The following ADH4 variants were observed in gnomAD, a reference collection of about 807,000 sequenced individuals.
The protein encoded by ADH4 is alcohol dehydrogenase 4 (class II), pi polypeptide.
ADH4 carries 31 observed loss-of-function variants against 35.2 expected under a neutral mutation model. The observed-to-expected ratio is 0.88, with a 90% CI of 0.66 to 1.19. The LOEUF (loss-of-function observed/expected upper bound fraction) is 1.19, where lower values mean the gene tolerates loss of function less well. ADH4 is among the 50% of genes most tolerant of loss of function. The pLI is 0.00. For synonymous variants in ADH4, 171 were observed against 160.2 expected (o/e 1.07, Z -0.51); for missense variants, 476 against 458.3 (o/e 1.04, Z -0.35).
At chr4:99,134,602 A>C (rs1275377239) in intron 5 of ADH4, among the ~76,000 whole-genome samples, 2 of 152,038 alleles carry the variant, frequency 1.3e-5, no homozygotes, top group East Asian at 3.9e-4. Context: ...TACAGCAGAA[A>C]ATAGGCTTTG....
At chr4:99,136,060 A>G (rs1159631736) in intron 5 of ADH4, among the ~76,000 whole-genome samples, 2 of 152,158 alleles carry the variant, frequency 1.3e-5, no homozygotes, top group Non-Finnish European at 2.9e-5. Flanking sequence ...GGGAGAAGAC[A>G]GGGGTGGTTG....
intron 6 of ADH4, among the ~76,000 whole-genome samples, chr4:99,127,993 C>A (rs1299363577): frequency 1.3e-5 from 2 of 148,232 alleles, no homozygotes; most frequent in Non-Finnish European, 3.0e-5. Flanking sequence ...CCAAATCTAT[C>A]GTTGTGTGAC....
intron 5 of ADH4, among the ~76,000 whole-genome samples, chr4:99,135,747 G>C (rs946626270): frequency 6.6e-6 from 1 of 152,170 alleles, no homozygotes; most frequent in Non-Finnish European, 1.5e-5. Flanking sequence ...AAAATCTTCA[G>C]ACTTGTTGTT....
chr4:99,134,711 A>G (rs4148887), intron 5 of ADH4, among the ~76,000 whole-genome samples: 18,780 of 151,852 alleles, frequency 0.12, 2,425 homozygotes, highest in East Asian at 0.73. Context: ...TTTTTTATTA[A>G]TGAGTAATTG....
Position 99,124,531 on chromosome 4 carries a change from A to G in ADH4, c.1119-65T>C, listed in dbSNP as rs567531313. The G allele has an allele frequency of 3.1e-4, 337 of 1,091,708 alleles. 2 individuals are homozygous for G. The African/African-American group carries it at 5.2e-3, about 17-fold the overall frequency. The allele number at this position is 1,091,708 out of a possible 1,614,324, so 67.6% of individuals were successfully genotyped here. On this transcript the variant is annotated intron_variant, in intron 8 of 8. Coordinates refer to ENST00000265512, the MANE Select transcript of ADH4 (RefSeq NM_000670.5). The stretch of plus-strand genomic sequence containing the variant: ...TGATAAATTTAACCAAAGCTCACAA[A>G]TAAGTTTTGCCTTTTCATTTCAGGA...
At chr4:99,141,513 T>C in intron 3 of ADH4, 28 bp downstream of exon 3, 1 of 1,592,840 alleles carries the variant, frequency 6.3e-7, no homozygotes, top group Non-Finnish European at 8.6e-7. Context: ...TTGTGACATT[T>C]CCATTTTTTC....
chr4:99,135,420 CCCTGTCTCAAAA>C (rs1217884439), intron 5 of ADH4, among the ~76,000 whole-genome samples: 1 of 152,062 alleles, frequency 6.6e-6, no homozygotes, highest in Non-Finnish European at 1.5e-5. Context: ...CAGAGTGAGA[CCCTGTCTCAAAA>C]AAGAAAAAAA....
At chr4:99,140,094 G>T (rs17817958) in intron 3 of ADH4, among the ~76,000 whole-genome samples, 31,947 of 151,750 alleles carry the variant, frequency 0.21, 4,031 homozygotes, top group Non-Finnish European at 0.29. Context: ...CAGCTATTGG[G>T]GTGCTTCATT....
At chr4:99,125,554 AG>A (rs1224178650) in intron 8 of ADH4, among the ~76,000 whole-genome samples, 1 of 152,202 alleles carries the variant, frequency 6.6e-6, no homozygotes, top group African/African-American at 2.4e-5. Flanking sequence ...TAACTTGAGG[AG>A]TATTCCTTAT....
At chr4:99,138,985 C>T (rs1388827916) in intron 4 of ADH4, 76 bp downstream of exon 4, 1 of 1,095,918 alleles carries the variant, frequency 9.1e-7, no homozygotes, top group Non-Finnish European at 1.3e-6. Context: ...TCTTCAAGGC[C>T]ATTTAGGTAA....
In ADH4 at chr4:99,124,228, A is replaced by T. The variant is rs181464983; in HGVS notation, c.*214T>A. ...TTCTAAAGATGATATGATTCTATTC[A>T]TAAACACTAGTTATTATTATTATTT... On this transcript the variant is annotated 3_prime_UTR_variant, in exon 9 of 9. Transcript: ENST00000265512. 8.3e-4 allele frequency: 374 copies of T among 448,134 alleles called. No homozygotes were observed. The highest frequency in any genetic ancestry group is 7.4e-3 in the African/African-American group (357 of 48,024). 27.8% of individuals were successfully genotyped at this position (448,134 alleles called of 1,614,324 possible).
intron 6 of ADH4, 21 bp downstream of exon 6, chr4:99,131,483 C>G: frequency 6.2e-7 from 1 of 1,603,234 alleles, no homozygotes. Context: ...AAAATATGAT[C>G]CAAGAACAAA....
intron 6 of ADH4, 132 bp from the exon 7 acceptor site, chr4:99,127,476 ACAT>A (rs72346382): frequency 0.013 from 8,134 of 622,468 alleles, 428 homozygotes; most frequent in African/African-American, 0.13. Context: ...CAAGCTAATG[ACAT>A]CATAGTATCA....
At chr4:99,140,387 A>G (rs1729572003) in intron 3 of ADH4, among the ~76,000 whole-genome samples, 5 of 152,172 alleles carry the variant, frequency 3.3e-5, no homozygotes, top group African/African-American at 7.2e-5. Context: ...CAGCCTGGCC[A>G]ACATGGTGAA....
At chr4:99,130,782 C>G (rs1364845709) in intron 6 of ADH4, among the ~76,000 whole-genome samples, 3 of 151,880 alleles carry the variant, frequency 2.0e-5, no homozygotes, top group African/African-American at 7.3e-5. Context: ...AAAAAAGCAA[C>G]AAAACAACGA....
intron 5 of ADH4, among the ~76,000 whole-genome samples, chr4:99,134,668 A>T (rs1208896840): frequency 3.3e-5 from 5 of 151,952 alleles, no homozygotes; most frequent in Non-Finnish European, 7.4e-5. Flanking sequence ...CCCTTCTCTG[A>T]TTGTAGTTTG....
chr4:99,136,244 T>C (rs1729429416), intron 5 of ADH4, among the ~76,000 whole-genome samples: 2 of 152,190 alleles, frequency 1.3e-5, no homozygotes, highest in Non-Finnish European at 2.9e-5. Context: ...GTCAATTATA[T>C]GTAGGCTACT....
At position 99,142,704 on chromosome 4, in the gene ADH4, G is replaced by A. The variant is rs145793949; in HGVS notation, c.95C>T (p.Pro32Leu). Residue 32 changes from proline to leucine, a missense_variant, in exon 2 of 9, where the codon CCC becomes CTC. Transcript: ENST00000265512. ...LCIEEVEVAP[P>L]KAHEVRIQII... ...CTGAATGCGAACTTCATGAGCCTTGGGGGGAGCTACTTCAACCTCTTCAAT... is the reference window on the plus strand; with the variant it reads ...CTGAATGCGAACTTCATGAGCCTTGAGGGGAGCTACTTCAACCTCTTCAAT... 175 of 1,600,556 alleles carry A rather than the reference G, an allele frequency of 1.1e-4. No homozygotes were observed. Among genetic ancestry groups the A allele is most frequent in the South Asian group, 3.0e-4 (27 of 88,856 alleles).
rs1318635587 is a variant in ADH4, at chr4:99,136,686, C to G, written c.362G>C (p.Ser121Thr). 2.5e-6 allele frequency: 4 copies of G among 1,606,666 alleles called. No homozygotes were observed. In the East Asian group the frequency reaches 6.7e-5, roughly 27 times the overall value. The change falls in exon 5 of 9, where the codon AGT (serine) becomes ACT (threonine). Residue 121 changes from serine to threonine, a missense_variant. Physicochemically the swap from Ser to Thr is moderately conservative, Grantham distance 58. Coordinates refer to ENST00000265512, the MANE Select transcript of ADH4 (RefSeq NM_000670.5). Reference protein sequence around the residue: ...NLCGKISNLKSPASDQQLMED... With the variant: ...NLCGKISNLKTPASDQQLMED... Reference sequence around the variant, plus strand: ...CATTAGTTGTTGATCACTAGCAGGACTTTTGAGATTACTAGAAAATTAAAA... The same window carrying G: ...CATTAGTTGTTGATCACTAGCAGGAGTTTTGAGATTACTAGAAAATTAAAA...
Sources: gnomAD v4.1 joint callset for allele counts (sites outside exome capture counted in the v4.1 genomes callset) on GRCh38, gnomAD v4.1.1 for gene constraint, MANE v1.5 for transcripts, NCBI Gene and HGNC (gene_info 2026-07-23, HGNC 2026-07-21) for gene names.